The following COL2A1 variants were observed in gnomAD, a reference collection of about 807,000 sequenced individuals.
COL2A1 encodes the protein collagen type II alpha 1 chain.
In COL2A1, 28 loss-of-function variants were observed where a neutral mutation model predicts 204.5. The observed-to-expected ratio is 0.14, with a 90% CI of 0.10 to 0.19. The LOEUF (loss-of-function observed/expected upper bound fraction) is 0.19. Ranked by LOEUF, COL2A1 falls within the 10% of genes least tolerant of loss-of-function variation. COL2A1 has a pLI of 1.00. For synonymous variants in COL2A1, 708 were observed against 718.7 expected (o/e 0.99, Z 0.24); for missense variants, 1,388 against 2,027.5 (o/e 0.68, Z 6.06).
At chr12:47,995,192 C>T in intron 11 of COL2A1, 63 bp downstream of exon 11, 1 of 1,461,260 alleles carries the variant, frequency 6.8e-7, no homozygotes, top group Non-Finnish European at 9.6e-7. Flanking sequence ...TCCCCAAGCA[C>T]ACACCCTCTC....
intron 2 of COL2A1, chr12:47,999,696 T>G: frequency 2.3e-6 from 1 of 434,960 alleles, no homozygotes; most frequent in Non-Finnish European, 4.0e-6. Context: ...AAGCAAATGT[T>G]TTTGGAGATG....
rs200048687 is a variant in COL2A1, at chr12:47,984,070, G to T, written c.1941+17C>A. 7.5e-6 allele frequency: 12 copies of T among 1,609,424 alleles called. No homozygotes were observed. Among genetic ancestry groups the T allele is most frequent in the Admixed American group, 5.0e-5 (3 of 59,616 alleles). On this transcript the variant is annotated intron_variant, in intron 29 of 53. Coordinates refer to ENST00000380518, the MANE Select transcript of COL2A1 (RefSeq NM_001844.5). ...CCTGCCCCCAGGGCCACCTGGGGAG[G>T]CTGGGCAGGTACTTACAGCAGGGCC...
In COL2A1 at chr12:47,980,902, C is replaced by A; in HGVS notation, c.2517+13G>T. On this transcript the variant is annotated intron_variant, in intron 38 of 53. Transcript: ENST00000380518. This position sits in a 1 kb window ranked among gnomAD's most constrained non-coding sequence, Gnocchi z 4.5. ...GAGTGGAGGGACCCAGGAGGATGGA[C>A]AGAGATACTCACAGGAGGCCCAGCA... 6.4e-7 allele frequency: 1 copy of A among 1,552,432 alleles called. No homozygotes were observed. The highest frequency in any genetic ancestry group is 2.4e-5 in the East Asian group (1 of 40,954).
rs2136526378 is a variant in COL2A1, at chr12:47,978,330, T to C, written c.2964A>G (p.Gln988=). 1 of 1,614,026 alleles carries C rather than the reference T, an allele frequency of 6.2e-7. No individual in the cohort carries two copies. The highest frequency in any genetic ancestry group is 8.5e-7 in the Non-Finnish European group (1 of 1,180,024). Residue 988 remains glutamine, a synonymous_variant, in exon 43 of 54, where the codon CAA becomes CAG. Coordinates refer to ENST00000380518, the MANE Select transcript of COL2A1 (RefSeq NM_001844.5). This position sits in a 1 kb window ranked among gnomAD's most constrained non-coding sequence, Gnocchi z 5.5. ...AGCCAGGGAATCCTCTCTCACCACG[T>C]TGCCCAGGCAGACCGACGATGCCTC... ...GQRGIVGLPG[Q]RGERGFPGLP...
chr12:47,987,972 C>T lies in COL2A1; in HGVS notation c.1123-263G>A, dbSNP rs1230275439. ...CTACACAGTGAGCCTCCACATGCCA[C>T]GGCACAGCTACATACTACAGCAATG... On this transcript the variant is annotated intron_variant, in intron 18 of 53. Coordinates refer to ENST00000380518, the MANE Select transcript of COL2A1 (RefSeq NM_001844.5). The surrounding 1 kb of genome is among the most constrained non-coding windows in gnomAD (Gnocchi z 4.1). Among the ~76,000 whole-genome samples the T allele has an allele frequency of 2.0e-5, 3 of 152,176 alleles. No individual in the cohort carries two copies. The highest frequency in any genetic ancestry group is 1.9e-4 in the East Asian group (1 of 5,192).
In COL2A1 at chr12:47,987,220, G is replaced by A. The variant is rs1371422711; in HGVS notation, c.1267-44C>T. On this transcript the variant is annotated intron_variant, in intron 20 of 53. Transcript: ENST00000380518. The surrounding 1 kb of genome is among the most constrained non-coding windows in gnomAD (Gnocchi z 4.1). ...GGGAGGGGTGTCAGGAGAGGGGAGA[G>A]GCAGGACTGGGCTCTCCTGGGGTAG... 6.2e-7 allele frequency: 1 copy of A among 1,612,786 alleles called. No individual in the cohort carries two copies. Among genetic ancestry groups the A allele is most frequent in the African/African-American group, 1.3e-5 (1 of 74,878 alleles).
chr12:48,000,028 A>C lies in COL2A1; in HGVS notation c.183T>G (p.Thr61=). The stretch of plus-strand genomic sequence containing the variant: ...CACAGATTATGTCGTCGCAGAGGAC[A>C]GTCCCAGTGTCACAGACACAGATCC... ...PCRICVCDTG[T]VLCDDIICED... The change falls in exon 2 of 54, where the codon ACT becomes ACG. Residue 61 remains threonine, a synonymous_variant. Coordinates refer to ENST00000380518, the MANE Select transcript of COL2A1 (RefSeq NM_001844.5). 6.2e-7 allele frequency: 1 copy of C among 1,614,132 alleles called. No homozygotes were observed. Among genetic ancestry groups the C allele is most frequent in the Non-Finnish European group, 8.5e-7 (1 of 1,180,018 alleles).
At chr12:47,984,858 C>A in intron 27 of COL2A1, 137 bp downstream of exon 27, 1 of 821,994 alleles carries the variant, frequency 1.2e-6, no homozygotes, top group South Asian at 1.5e-5. Context: ...CAGACCCCCA[C>A]TGCCACCCAT....
chr12:47,992,157 T>C (rs964580663), intron 16 of COL2A1, among the ~76,000 whole-genome samples: 1 of 152,130 alleles, frequency 6.6e-6, no homozygotes, highest in African/African-American at 2.4e-5. Flanking sequence ...TCTCTATTGC[T>C]AAGGAATCAG....
chr12:47,982,426 G>A (rs2136548260), intron 34 of COL2A1, 76 bp downstream of exon 34: 1 of 1,243,734 alleles, frequency 8.0e-7, no homozygotes, highest in Non-Finnish European at 1.2e-6. Context: ...TGCCATAAGG[G>A]AACGGAAGCG....
At chr12:47,977,864 T>C (rs954474471) in intron 44 of COL2A1, 146 bp downstream of exon 44, 6 of 917,360 alleles carry the variant, frequency 6.5e-6, no homozygotes, top group Admixed American at 2.0e-5. Context: ...ACCTTCCCAT[T>C]GTACCTAGGC....
Position 47,980,937 on chromosome 12 carries a change from G to A in COL2A1, c.2495C>T (p.Pro832Leu), listed in dbSNP as rs1287197057. The change falls in exon 38 of 54, where the codon CCA (proline) becomes CTA (leucine). Residue 832 changes from proline to leucine, a missense_variant. This residue lies in a region of COL2A1 where 884 missense variants were observed against 1,415.8 expected (regional missense o/e 0.62). Coordinates refer to ENST00000380518, the MANE Select transcript of COL2A1 (RefSeq NM_001844.5). The surrounding 1 kb of genome is among the most constrained non-coding windows in gnomAD (Gnocchi z 4.5). ...GERGETGPPG[P>L]AGFAGPPGAD... ...CACAGGAGGCCCAGCAAATCCCGCT[G>A]GTCCGGGGGGCCCAGTCTCTCCACG... The A allele has an allele frequency of 6.4e-7, 1 of 1,552,538 alleles. No individual in the cohort carries two copies. The highest frequency in any genetic ancestry group is 1.4e-5 in the African/African-American group (1 of 73,166).
intron 16 of COL2A1, among the ~76,000 whole-genome samples, chr12:47,991,037 G>A (rs536929596): frequency 2.6e-5 from 4 of 152,282 alleles, no homozygotes; most frequent in Non-Finnish European, 4.4e-5. Flanking sequence ...TTCTCCTAAC[G>A]GAGACTCTCC....
chr12:47,974,437 C>T, intron 52 of COL2A1, 106 bp from the exon 53 acceptor site: 1 of 1,483,114 alleles, frequency 6.7e-7, no homozygotes. Context: ...CTCAAGGGTA[C>T]TGGGGCAGCA....
At chr12:47,986,968 C>T in intron 21 of COL2A1, 80 bp from the exon 22 acceptor site, 2 of 1,599,224 alleles carry the variant, frequency 1.3e-6, no homozygotes. Flanking sequence ...TCAAGATGCC[C>T]TCGGATGGAG....
intron 46 of COL2A1, 41 bp from the exon 47 acceptor site, chr12:47,977,196 C>A: frequency 6.2e-7 from 1 of 1,608,838 alleles, no homozygotes; most frequent in Non-Finnish European, 8.5e-7. Flanking sequence ...AAAGCCAGGA[C>A]AGGTGGGGGC....
Position 47,996,688 on chromosome 12 carries a change from G to A in COL2A1, c.532-63C>T, listed in dbSNP as rs1277838386. ...CACTAGGTCTTCCCTACTTGGCTAG[G>A]TAAGCTCTATATGGATACAAAGAAC... On this transcript the variant is annotated intron_variant, in intron 7 of 53. Transcript: ENST00000380518. 6.0e-6 allele frequency: 8 copies of A among 1,334,160 alleles called. No individual in the cohort carries two copies. In the East Asian group the frequency reaches 1.8e-4, roughly 31 times the overall value. 82.6% of individuals were successfully genotyped at this position (1,334,160 alleles called of 1,614,324 possible).
intron 28 of COL2A1, 141 bp from the exon 29 acceptor site, chr12:47,984,281 C>T: frequency 3.6e-6 from 3 of 821,968 alleles, no homozygotes; most frequent in Non-Finnish European, 4.1e-6. Context: ...CCACACCTTC[C>T]CCTCCCTTCC....
intron 34 of COL2A1, 135 bp downstream of exon 34, chr12:47,982,367 G>T (rs1939141661): frequency 1.2e-6 from 1 of 824,826 alleles, no homozygotes; most frequent in South Asian, 1.5e-5. Flanking sequence ...CTTTGGAAAG[G>T]AGTCTTTAAG....
Sources: allele counts gnomAD v4.1 joint callset (sites outside exome capture counted in the v4.1 genomes callset), GRCh38; gene constraint gnomAD v4.1.1; regional missense constraint gnomAD v4.1.1; non-coding constraint Gnocchi (gnomAD v3.1); transcripts MANE v1.5; gene names NCBI Gene and HGNC (gene_info 2026-07-23, HGNC 2026-07-21).